DOCK2: variants seen among roughly 807,000 people sequenced by gnomAD.
DOCK2 encodes dedicator of cytokinesis protein 2.
Under a neutral mutation model 248.9 loss-of-function variants are expected in DOCK2, and 87 were observed. That is an observed-to-expected ratio of 0.35 (90% CI 0.29 to 0.42). The LOEUF is 0.42. Ranked by LOEUF, DOCK2 falls within the 10% of genes least tolerant of loss-of-function variation. DOCK2 has a pLI of 1.00. For synonymous variants in DOCK2, 805 were observed against 821.6 expected (o/e 0.98, Z 0.35); for missense variants, 1,747 against 2,300.2 (o/e 0.76, Z 4.92).
intron 27 of DOCK2, among the ~76,000 whole-genome samples, chr5:169,857,733 T>TAAAAAAAA (rs745578660): frequency 9.2e-6 from 1 of 108,378 alleles, no homozygotes. Context: ...GGAACAAAAC[T>TAAAAAAAA]AAAAAAAAAA....
At chr5:170,054,217 T>C (rs1489171000) in intron 41 of DOCK2, among the ~76,000 whole-genome samples, 2 of 152,218 alleles carry the variant, frequency 1.3e-5, no homozygotes, top group Non-Finnish European at 2.9e-5. Context: ...AGAGGAGTTC[T>C]TGATTCCTTA....
chr5:169,708,284 G>A lies in DOCK2; in HGVS notation c.1482+17G>A, dbSNP rs780185617. On this transcript the variant is annotated intron_variant, in intron 15 of 51. Coordinates refer to ENST00000520908, the MANE Select transcript of DOCK2 (RefSeq NM_004946.3). Reference sequence around the variant, plus strand: ...ACAGTCAAGGTAATAATTAATAATAGCAGCAAACACATGTCTAGTTCTTAC... The same window carrying A: ...ACAGTCAAGGTAATAATTAATAATAACAGCAAACACATGTCTAGTTCTTAC... 13 of 1,607,968 alleles carry A rather than the reference G, an allele frequency of 8.1e-6. No individual in the cohort carries two copies. In the Admixed American group the frequency reaches 1.2e-4, roughly 15 times the overall value.
intron 22 of DOCK2, among the ~76,000 whole-genome samples, chr5:169,724,957 A>G (rs1220797467): frequency 6.6e-6 from 1 of 152,168 alleles, no homozygotes; most frequent in East Asian, 1.9e-4. Flanking sequence ...CGGAGGGAGC[A>G]CATAAGCCTC....
chr5:170,081,849 G>C lies in DOCK2; in HGVS notation c.5295G>C (p.Ala1765=). Residue 1765 remains alanine (A), a synonymous_variant, in exon 51 of 52, where the codon GCG becomes GCC. Coordinates refer to ENST00000520908, the MANE Select transcript of DOCK2 (RefSeq NM_004946.3). The part of the protein sequence containing the change: ...SQSMPTIPAL[A]LSVAGIPGLD... ...GCTCTGCTCTCCTTCCAGCCCTGGC[G>C]CTCTCAGTGGCAGGCATCCCTGGGT... The C allele has an allele frequency of 1.9e-6, 3 of 1,611,100 alleles. No individual in the cohort carries two copies. The highest frequency in any genetic ancestry group is 2.5e-6 in the Non-Finnish European group (3 of 1,179,334).
At chr5:169,992,959 G>A (rs1015625284) in intron 29 of DOCK2, among the ~76,000 whole-genome samples, 11 of 152,092 alleles carry the variant, frequency 7.2e-5, no homozygotes, top group Non-Finnish European at 5.9e-5. Flanking sequence ...ATCAATTCGC[G>A]GTCATTAGGC....
Position 169,759,726 on chromosome 5 carries a change from C to T in DOCK2, c.2398C>T (p.Pro800Ser), listed in dbSNP as rs781143323. ...CTAGGTGGCGGCTTTGAAATACATC[C>T]CATCTGTCCTGCATGATGTAGAAAT... ...LLQVAALKYI[P>S]SVLHDVEMVF... The change falls in exon 24 of 52, where the codon CCA becomes TCA. Residue 800 changes from proline to serine, a missense_variant. Transcript: ENST00000520908. 1 of 1,613,858 alleles carries T rather than the reference C, an allele frequency of 6.2e-7. No individual in the cohort carries two copies. The highest frequency in any genetic ancestry group is 2.2e-5 in the East Asian group (1 of 44,872).
intron 25 of DOCK2, 105 bp downstream of exon 25, chr5:169,761,730 A>G (rs1764499792): frequency 1.2e-6 from 1 of 815,434 alleles, no homozygotes; most frequent in Non-Finnish European, 1.9e-6. Context: ...TGACTATAAC[A>G]TCTCTTTTCT....
intron 15 of DOCK2, among the ~76,000 whole-genome samples, chr5:169,710,122 GT>G (rs1262106877): frequency 6.6e-6 from 1 of 152,224 alleles, no homozygotes; most frequent in Non-Finnish European, 1.5e-5. Flanking sequence ...GGGACATAGA[GT>G]GACAGAAAAA....
At chr5:169,819,959 C>T (rs1212676220) in intron 26 of DOCK2, among the ~76,000 whole-genome samples, 1 of 152,244 alleles carries the variant, frequency 6.6e-6, no homozygotes, top group East Asian at 1.9e-4. Context: ...GCAAACGGCA[C>T]ACCAGGAGAC....
chr5:170,018,921 C>T (rs367849105), intron 32 of DOCK2, 39 bp from the exon 33 acceptor site: 224 of 1,603,098 alleles, frequency 1.4e-4, no homozygotes, highest in Middle Eastern at 5.0e-4. Flanking sequence ...TGTGCGTCGC[C>T]GAACTGTTTT....
intron 28 of DOCK2, among the ~76,000 whole-genome samples, chr5:169,984,172 C>T (rs188980248): frequency 6.6e-5 from 10 of 152,220 alleles, no homozygotes; most frequent in East Asian, 5.8e-4. Flanking sequence ...CTCAAGGTCC[C>T]GTAGCTAGTA....
chr5:169,823,255 C>A (rs1314943074), intron 26 of DOCK2, among the ~76,000 whole-genome samples: 1 of 152,178 alleles, frequency 6.6e-6, no homozygotes, highest in East Asian at 1.9e-4. Context: ...AGAGAATCCT[C>A]CCTAACTCAT....
intron 32 of DOCK2, among the ~76,000 whole-genome samples, chr5:170,011,848 G>A (rs1755309087): frequency 6.6e-6 from 1 of 152,334 alleles, no homozygotes; most frequent in South Asian, 2.1e-4. Flanking sequence ...CAATATGGCT[G>A]GAGGGGCAGT....
Position 170,076,236 on chromosome 5 carries a change from G to GAAAAAA in DOCK2, c.4866+154_4866+155insAAAAAA. 4.8e-6 allele frequency: 6 copies of GAAAAAA among 1,238,672 alleles called. No homozygotes were observed. The South Asian group carries it at 9.5e-5, about 20-fold the overall frequency. 76.7% of individuals were successfully genotyped at this position (1,238,672 alleles called of 1,614,324 possible). ...CAGCATTGCTGGATCCCATCCAGGG[G>GAAAAAA]AACCCTCCTGGAAACTTGGTCCAGC... On this transcript the variant is annotated intron_variant, in intron 47 of 51. Transcript: ENST00000520908.
At chr5:169,695,755 TC>T in intron 9 of DOCK2, 47 bp from the exon 10 acceptor site, 4 of 1,605,228 alleles carry the variant, frequency 2.5e-6, no homozygotes, top group East Asian at 2.2e-5. Context: ...CTACCTTTTT[TC>T]CCCCATTCAG....
intron 26 of DOCK2, among the ~76,000 whole-genome samples, chr5:169,827,632 A>G (rs1469783523): frequency 6.6e-6 from 1 of 152,190 alleles, no homozygotes; most frequent in Non-Finnish European, 1.5e-5. Context: ...TCTTTCTACC[A>G]TCCAGAAAAG....
chr5:169,773,225 C>A (rs1765194194), intron 25 of DOCK2: 1 of 152,074 alleles, frequency 6.6e-6, no homozygotes. Flanking sequence ...TAATGTGCTG[C>A]AGAACAAGTC....
At chr5:169,655,471 C>T (rs1403167664) in intron 2 of DOCK2, among the ~76,000 whole-genome samples, 4 of 152,178 alleles carry the variant, frequency 2.6e-5, no homozygotes, top group Non-Finnish European at 2.9e-5. Flanking sequence ...TGGGGAAAGG[C>T]GGTCACCTGC....
chr5:169,680,397 C>A (rs1255454788), intron 6 of DOCK2, among the ~76,000 whole-genome samples: 1 of 152,158 alleles, frequency 6.6e-6, no homozygotes, highest in Non-Finnish European at 1.5e-5. Flanking sequence ...TGAAACAAAT[C>A]AATACCAAAC....
Sources: allele counts gnomAD v4.1 joint callset (sites outside exome capture counted in the v4.1 genomes callset), GRCh38; gene constraint gnomAD v4.1.1; transcripts MANE v1.5; gene names NCBI Gene and HGNC (gene_info 2026-07-23, HGNC 2026-07-21).